CPOX: variants seen among roughly 807,000 people sequenced by gnomAD.
The protein encoded by CPOX is oxygen-dependent coproporphyrinogen-III oxidase, mitochondrial.
CPOX carries 24 observed loss-of-function variants against 48.9 expected under a neutral mutation model. The ratio of observed to expected loss-of-function variants is 0.49; its 90% CI spans 0.36 to 0.69. The LOEUF (loss-of-function observed/expected upper bound fraction) is 0.69, where lower values mean the gene tolerates loss of function less well. Among genes scored for constraint, CPOX ranks in the 30% least tolerant of loss-of-function variants. The pLI, the probability that CPOX is intolerant of heterozygous loss-of-function variation, is 0.00. For synonymous variants in CPOX, 249 were observed against 234.6 expected, an observed-to-expected ratio of 1.06 and a Z score of -0.56; for missense variants, 549 against 597.3, an observed-to-expected ratio of 0.92 and a Z score of 0.84.
chr3:98,593,147 C>G lies in CPOX; in HGVS notation c.358G>C (p.Glu120Gln). The G allele has an allele frequency of 6.2e-7, 1 of 1,612,792 alleles. No homozygotes were observed. Among genetic ancestry groups the G allele is most frequent in the Middle Eastern group, 1.7e-4 (1 of 6,058 alleles). Residue 120 changes from glutamate to glutamine, a missense_variant, in exon 1 of 7, where the codon GAG (glutamate) becomes CAG (glutamine). By Grantham distance (29) the Glu-to-Gln change is conservative. Around this residue, in one of 2 missense-constraint regions of CPOX, gnomAD observed 336 missense variants for 318.1 expected, o/e 1.06. Coordinates refer to ENST00000647941, the MANE Select transcript of CPOX (RefSeq NM_000097.7). ...ATSLGRPEEE[E>Q]DELAHRCSSF... Reference sequence around the variant, plus strand: ...CTGCAGCGGTGGGCCAGCTCATCCTCCTCCTCCTCCGGCCTCCCCAGCGAA... The same window carrying G: ...CTGCAGCGGTGGGCCAGCTCATCCTGCTCCTCCTCCGGCCTCCCCAGCGAA...
chr3:98,591,145 G>A lies in CPOX; in HGVS notation c.567C>T (p.Gly189=). Residue 189 remains glycine (G), a synonymous_variant, in exon 2 of 7, where the codon GGC becomes GGT. Coordinates refer to ENST00000647941, the MANE Select transcript of CPOX (RefSeq NM_000097.7). The part of the protein sequence containing the change: ...DRWERKEGGG[G]ISCVLQDGCV... ...ACCCATCTTGAAGTACACAGCTGAT[G>A]CCGCCACCTCCTGTGTATAGAAATG... The A allele has an allele frequency of 1.9e-6, 3 of 1,613,964 alleles. No individual in the cohort carries two copies. In the South Asian group the frequency reaches 3.3e-5, roughly 18 times the overall value.
chr3:98,579,062 A>G (rs1212496110), downstream of CPOX, among the ~76,000 whole-genome samples: 1 of 152,032 alleles, frequency 6.6e-6, no homozygotes, highest in Non-Finnish European at 1.5e-5. Context: ...TCCTCTTACT[A>G]CTCCCACTAA....
chr3:98,580,122 A>G lies in CPOX; in HGVS notation c.*561T>C. The G allele has an allele frequency of 1.0e-6, 1 of 976,548 alleles. No homozygotes were observed. The highest frequency in any genetic ancestry group is 1.2e-6 in the Non-Finnish European group (1 of 821,696). 60.5% of individuals were successfully genotyped at this position (976,548 alleles called of 1,614,324 possible). ...GCAGAGATTATTTCAAGTGCTTCTA[A>G]ATACCTATTAGAAAAATGTGTATCT... On this transcript the variant is annotated 3_prime_UTR_variant, in exon 7 of 7. Coordinates refer to ENST00000647941, the MANE Select transcript of CPOX (RefSeq NM_000097.7).
intron 4 of CPOX, among the ~76,000 whole-genome samples, chr3:98,588,170 A>G (rs1368687102): frequency 6.6e-6 from 1 of 152,250 alleles, no homozygotes; most frequent in Non-Finnish European, 1.5e-5. Context: ...CATATTCCAA[A>G]CAATTTGTGC....
At chr3:98,576,590 G>A (rs899023669), downstream of CPOX, among the ~76,000 whole-genome samples, 10 of 152,196 alleles carry the variant, frequency 6.6e-5, no homozygotes, top group Non-Finnish European at 8.8e-5. Context: ...ATGTCTAAGC[G>A]TCACTAACTT....
chr3:98,578,607 A>T (rs1318529994), downstream of CPOX, among the ~76,000 whole-genome samples: 1 of 152,204 alleles, frequency 6.6e-6, no homozygotes, highest in African/African-American at 2.4e-5. Flanking sequence ...ACAAATCTGC[A>T]TCCCCTAACC....
At chr3:98,571,604 C>T in the CPOX span, among the ~76,000 whole-genome samples, 2 of 147,496 alleles carry the variant, frequency 1.4e-5, no homozygotes, top group Non-Finnish European at 3.0e-5. Context: ...AGGAGAATGG[C>T]GTGAACCCGG....
intron 3 of CPOX, 62 bp from the exon 4 acceptor site, chr3:98,588,916 T>G: frequency 6.4e-7 from 1 of 1,572,866 alleles, no homozygotes; most frequent in Non-Finnish European, 8.7e-7. Context: ...ACTGGCTATA[T>G]TAGGACACTT....
downstream of CPOX, chr3:98,578,283 G>A: frequency 1.0e-6 from 1 of 963,154 alleles, no homozygotes; most frequent in Non-Finnish European, 1.2e-6. Flanking sequence ...GAAAACAAAT[G>A]CACAGAAAAA....
intron 4 of CPOX, among the ~76,000 whole-genome samples, chr3:98,586,313 G>T (rs1707362971): frequency 6.6e-6 from 1 of 152,204 alleles, no homozygotes; most frequent in Admixed American, 6.5e-5. Context: ...GCCTTCGGAA[G>T]CACTGCTGCT....
chr3:98,573,401 G>T, the CPOX span, among the ~76,000 whole-genome samples: 1 of 152,284 alleles, frequency 6.6e-6, no homozygotes, highest in African/African-American at 2.4e-5. Flanking sequence ...CAACAGCATA[G>T]TTCAACAAGA....
At chr3:98,574,604 C>T (rs1707132733), downstream of CPOX, among the ~76,000 whole-genome samples, 1 of 152,164 alleles carries the variant, frequency 6.6e-6, no homozygotes, top group Admixed American at 6.5e-5. Context: ...TTTTTTGAGA[C>T]AGAGTTTCGC....
downstream of CPOX, chr3:98,579,349 T>G (rs1707207532): frequency 6.3e-6 from 2 of 319,126 alleles, no homozygotes; most frequent in South Asian, 2.5e-4. Flanking sequence ...AAGGAGGAGT[T>G]GGGGCCCCTA....
intron 4 of CPOX, among the ~76,000 whole-genome samples, chr3:98,586,582 G>A (rs1462547053): frequency 1.3e-5 from 2 of 152,144 alleles, no homozygotes; most frequent in Non-Finnish European, 2.9e-5. Context: ...CTGTGAGGCA[G>A]CACATAAAAC....
chr3:98,586,880 C>A (rs933636475), intron 4 of CPOX, among the ~76,000 whole-genome samples: 1 of 152,038 alleles, frequency 6.6e-6, no homozygotes, highest in African/African-American at 2.4e-5. Context: ...GAAGGCAGAG[C>A]TTGCAGTGAG....
In CPOX at chr3:98,586,887, T is replaced by C. The variant is rs187122418; in HGVS notation, c.954-1228A>G. Among the ~76,000 whole-genome samples the C allele has an allele frequency of 4.2e-3, 645 of 152,162 alleles. 4 individuals carry two copies. The highest frequency in any genetic ancestry group is 0.015 in the African/African-American group (630 of 41,488). On this transcript the variant is annotated intron_variant, in intron 4 of 6. Coordinates refer to ENST00000647941, the MANE Select transcript of CPOX (RefSeq NM_000097.7). ...TGAACCCGGAAGGCAGAGCTTGCAG[T>C]GAGCCGAGATCGCACCACTGCACTC...
Position 98,585,434 on chromosome 3 carries a change from C to A in CPOX, c.1172+7G>T. On this transcript the variant is annotated splice_region_variant and intron_variant, in intron 5 of 6. Coordinates refer to ENST00000647941, the MANE Select transcript of CPOX (RefSeq NM_000097.7). The stretch of plus-strand genomic sequence containing the variant: ...GCCATGAAAGAATTCGTTTTCCAGT[C>A]ACTTACCGTCCTCTTCTGAGCTGCT... 1.2e-6 allele frequency: 2 copies of A among 1,612,866 alleles called. No homozygotes were observed. The highest frequency in any genetic ancestry group is 2.2e-5 in the South Asian group (2 of 90,928).
intron 4 of CPOX, chr3:98,585,873 T>C: frequency 3.5e-6 from 2 of 568,706 alleles, no homozygotes; most frequent in South Asian, 4.0e-5. Flanking sequence ...CTTTTTCTTT[T>C]CTTTTCTTTT....
intron 4 of CPOX, among the ~76,000 whole-genome samples, chr3:98,587,059 G>C (rs777802682): frequency 5.9e-4 from 90 of 152,094 alleles, no homozygotes; most frequent in Non-Finnish European, 1.1e-3. Flanking sequence ...CTGCATAAGG[G>C]TCCTTAAATA....
Sources: allele counts gnomAD v4.1 joint callset (sites outside exome capture counted in the v4.1 genomes callset), GRCh38; gene constraint gnomAD v4.1.1; regional missense constraint gnomAD v4.1.1; transcripts MANE v1.5; gene names NCBI Gene and HGNC (gene_info 2026-07-23, HGNC 2026-07-21).